The following PLXNB2 variants were observed in gnomAD, a reference collection of about 807,000 sequenced individuals.
PLXNB2 encodes plexin B2.
In PLXNB2, 85 loss-of-function variants were observed where a neutral mutation model predicts 202.6. That is an observed-to-expected ratio of 0.42 (90% CI 0.35 to 0.50). PLXNB2 has a LOEUF of 0.50. PLXNB2 is among the 20% of genes least tolerant of loss of function. The pLI, the probability that PLXNB2 is intolerant of heterozygous loss-of-function variation, is 0.02. For synonymous variants in PLXNB2, 1,239 were observed against 1,137.6 expected, an observed-to-expected ratio of 1.09 and a Z score of -1.79; for missense variants, 2,063 against 2,586.2, an observed-to-expected ratio of 0.80 and a Z score of 4.39.
Position 50,290,313 on chromosome 22 carries a change from T to C in PLXNB2, c.272A>G (p.Glu91Gly). 1 of 1,612,212 alleles carries C rather than the reference T, an allele frequency of 6.2e-7. No individual in the cohort carries two copies. The highest frequency in any genetic ancestry group is 1.3e-5 in the African/African-American group (1 of 75,056). ...PIEASQCHEA[E>G]MTDNVNQLLL... ...CAGCTGGTTGACATTGTCAGTCATC[T>C]CAGCCTCATGGCACTGGCTGGCCTC... Residue 91 changes from glutamate (E) to glycine (G), a missense_variant, in exon 3 of 37, where the codon GAG becomes GGG. Glu to Gly is a moderately conservative substitution (Grantham distance 98). Transcript: ENST00000359337.
intron 11 of PLXNB2, among the ~76,000 whole-genome samples, chr22:50,285,108 C>T (rs2066326015): frequency 6.6e-6 from 1 of 152,210 alleles, no homozygotes; most frequent in South Asian, 2.1e-4. Context: ...GTGGGGGCCC[C>T]GAGTCGGGGG....
Position 50,276,623 on chromosome 22 carries a change from C to T in PLXNB2, c.5337+6G>A. ...GCTGTGGGTGCGTCCCTGGTGGTCT[C>T]CTTACCCGGGAAATCTCTGCCAGGT... On this transcript the variant is annotated splice_donor_region_variant and intron_variant, in intron 35 of 36. Coordinates refer to ENST00000359337, the MANE Select transcript of PLXNB2 (RefSeq NM_012401.4). The T allele has an allele frequency of 6.2e-7, 1 of 1,611,040 alleles. No individual in the cohort carries two copies. The highest frequency in any genetic ancestry group is 8.5e-7 in the Non-Finnish European group (1 of 1,177,364).
Position 50,276,631 on chromosome 22 carries a change from G to A in PLXNB2, c.5335C>T (p.Arg1779Trp), listed in dbSNP as rs372200489. The A allele has an allele frequency of 8.1e-6, 13 of 1,612,958 alleles. No homozygotes were observed. The highest frequency in any genetic ancestry group is 1.7e-5 in the Admixed American group (1 of 59,998). The change falls in exon 35 of 37, where the codon CGG (arginine) becomes TGG (tryptophan). Residue 1779 changes from arginine (R) to tryptophan (W), a missense_variant and splice_region_variant. Physicochemically the swap from Arg to Trp is moderately radical, Grantham distance 101. Around this residue, in one of 2 missense-constraint regions of PLXNB2, gnomAD observed 760 missense variants for 1,109.4 expected, o/e 0.69. Transcript: ENST00000359337. The stretch of plus-strand genomic sequence containing the variant: ...TGCGTCCCTGGTGGTCTCCTTACCC[G>A]GGAAATCTCTGCCAGGTGTGTGTTC... ...DMNTHLAEIS[R>W]AHTDSLNTLV...
Position 50,290,529 on chromosome 22 carries a change from C to A in PLXNB2, c.56G>T (p.Ser19Ile), listed in dbSNP as rs2147537152. ...TLLGLLGAGA[S>I]LRPRKLDFFR... ...GAAGTCCAGCTTGCGGGGCCTCAGG[C>A]TGGCACCTGCGCCCAGCAGGCCCAG... Residue 19 changes from serine to isoleucine, a missense_variant, in exon 3 of 37, where the codon AGC becomes ATC. Physicochemically the swap from Ser to Ile is moderately radical, Grantham distance 142. This residue lies in a region of PLXNB2 where 1,303 missense variants were observed against 1,476.8 expected (regional missense o/e 0.88). Transcript: ENST00000359337. 2 of 1,612,258 alleles carry A rather than the reference C, an allele frequency of 1.2e-6. No homozygotes were observed. The highest frequency in any genetic ancestry group is 2.2e-5 in the East Asian group (1 of 44,870).
intron 1 of PLXNB2, among the ~76,000 whole-genome samples, chr22:50,304,508 G>A (rs982502784): frequency 1.3e-5 from 2 of 152,110 alleles, no homozygotes; most frequent in East Asian, 1.9e-4. Context: ...AGAAAGGCAG[G>A]GGTCCTTACA....
In PLXNB2 at chr22:50,284,090, A is replaced by ACC; in HGVS notation, c.2263+40_2263+41dup. ...TCCCCCCACCCACCGCCTTGTGCCCACCCGTCCCCTGCCCGCCCCCCACTG... is the reference window on the plus strand; with the variant it reads ...TCCCCCCACCCACCGCCTTGTGCCCACCCCCGTCCCCTGCCCGCCCCCCACTG... On this transcript the variant is annotated intron_variant, in intron 13 of 36. Transcript: ENST00000359337. The surrounding 1 kb of genome is among the most constrained non-coding windows in gnomAD (Gnocchi z 8.0). The ACC allele has an allele frequency of 2.2e-6, 1 of 449,204 alleles. No individual in the cohort carries two copies. 27.8% of individuals were successfully genotyped at this position (449,204 alleles called of 1,614,324 possible).
intron 22 of PLXNB2, 61 bp from the exon 23 acceptor site, chr22:50,281,250 A>T (rs566161066): frequency 3.1e-5 from 49 of 1,570,110 alleles, no homozygotes; most frequent in Non-Finnish European, 3.9e-5. Context: ...TGCCCGGATG[A>T]GGAGGTGGAT....
chr22:50,283,080 C>T lies in PLXNB2; in HGVS notation c.2786G>A (p.Arg929Gln), dbSNP rs923565565. 12 of 1,609,534 alleles carry T rather than the reference C, an allele frequency of 7.5e-6. No homozygotes were observed. The highest frequency in any genetic ancestry group is 1.7e-4 in the Middle Eastern group (1 of 6,032). The change falls in exon 17 of 37, where the codon CGG (arginine) becomes CAG (glutamine). Residue 929 changes from arginine (R) to glutamine (Q), a missense_variant. This residue lies in a region of PLXNB2 where 1,303 missense variants were observed against 1,476.8 expected (regional missense o/e 0.88). Coordinates refer to ENST00000359337, the MANE Select transcript of PLXNB2 (RefSeq NM_012401.4). ...ACACGGGACGCCGTTGAGGGTCACC[C>T]GCACGTCCTCCTGGGAGCCCGTGTC... The part of the protein sequence containing the change: ...HLDTGSQEDV[R>Q]VTLNGVPCKV...
intron 25 of PLXNB2, 113 bp from the exon 26 acceptor site, chr22:50,280,184 G>T: frequency 1.2e-6 from 1 of 837,864 alleles, no homozygotes; most frequent in Non-Finnish European, 1.8e-6. Flanking sequence ...GTCCAGCCTG[G>T]GTGTGGCCTG....
chr22:50,294,579 A>T (rs1422365679), intron 2 of PLXNB2, 140 bp downstream of exon 2: 1 of 189,938 alleles, frequency 5.3e-6, no homozygotes. Context: ...AGGCCATGGG[A>T]AGGGTGGCAG....
rs1301523453 is a variant in PLXNB2 at position 50,282,176 on chromosome 22, G to C, written c.3117+8C>G. On this transcript the variant is annotated splice_region_variant and intron_variant, in intron 19 of 36. Transcript: ENST00000359337. Reference sequence around the variant, plus strand: ...CGGTGCCAGAGCTGAGCCCACGCCAGGACTGACCGTCATGGGCTGCAGGGA... The same window carrying C: ...CGGTGCCAGAGCTGAGCCCACGCCACGACTGACCGTCATGGGCTGCAGGGA... 1.2e-6 allele frequency: 2 copies of C among 1,608,792 alleles called. No homozygotes were observed. The highest frequency in any genetic ancestry group is 4.5e-5 in the East Asian group (2 of 44,838).
chr22:50,279,587 C>G, intron 27 of PLXNB2, 43 bp downstream of exon 27: 1 of 1,601,414 alleles, frequency 6.2e-7, no homozygotes, highest in Non-Finnish European at 8.5e-7. Context: ...CTCCTTAGCC[C>G]AGATCCGAGG....
At position 50,276,717 on chromosome 22, in the gene PLXNB2, G is replaced by T. The variant is rs531599291; in HGVS notation, c.5262-13C>A. The T allele has an allele frequency of 2.0e-5, 32 of 1,612,466 alleles. No individual in the cohort carries two copies. The highest frequency in any genetic ancestry group is 2.0e-4 in the South Asian group (18 of 91,054). ...CCCCTTGTAGTAACTGCAGGGGTGG[G>T]AGCATCATACAGTGTGGGCGGCAGG... On this transcript the variant is annotated splice_polypyrimidine_tract_variant and intron_variant, in intron 34 of 36. Coordinates refer to ENST00000359337, the MANE Select transcript of PLXNB2 (RefSeq NM_012401.4).
At chr22:50,296,943 G>T (rs1360922964) in intron 1 of PLXNB2, among the ~76,000 whole-genome samples, 1 of 152,230 alleles carries the variant, frequency 6.6e-6, no homozygotes, top group Non-Finnish European at 1.5e-5. Flanking sequence ...CTGCTGCACA[G>T]GTAAGGGTTA....
rs539655064 is a variant in PLXNB2 at position 50,297,163 on chromosome 22, T to C, written c.-73-2385A>G. Among the ~76,000 whole-genome samples the C allele has an allele frequency of 5.3e-5, 8 of 152,230 alleles. No homozygotes were observed. The highest frequency in any genetic ancestry group is 3.9e-4 in the Admixed American group (6 of 15,296). On this transcript the variant is annotated intron_variant, in intron 1 of 36. Coordinates refer to ENST00000359337, the MANE Select transcript of PLXNB2 (RefSeq NM_012401.4). The surrounding 1 kb of genome is among the most constrained non-coding windows in gnomAD (Gnocchi z 5.3). Reference sequence around the variant, plus strand: ...CAGCTCCCGACGGAGGTGGCAGCCATGGCGGTGGCACGGTACCCCCAGACC... The same window carrying C: ...CAGCTCCCGACGGAGGTGGCAGCCACGGCGGTGGCACGGTACCCCCAGACC...
intron 8 of PLXNB2, 53 bp downstream of exon 8, chr22:50,287,058 A>G (rs1012751421): frequency 2.1e-6 from 3 of 1,441,854 alleles, no homozygotes; most frequent in Middle Eastern, 2.2e-4. Context: ...CCGTGTGCAC[A>G]GGGCCCCGTG....
chr22:50,286,322 G>C, intron 8 of PLXNB2, 35 bp from the exon 9 acceptor site: 1 of 1,500,352 alleles, frequency 6.7e-7, no homozygotes, highest in Non-Finnish European at 9.3e-7. Flanking sequence ...TCAAGGTGGC[G>C]GCCGCAGGGC....
At chr22:50,292,907 G>A (rs891503524) in intron 2 of PLXNB2, among the ~76,000 whole-genome samples, 4 of 152,294 alleles carry the variant, frequency 2.6e-5, no homozygotes, top group East Asian at 1.9e-4. Flanking sequence ...GCTCCTGCCC[G>A]GCACAGAACT....
At position 50,287,194 on chromosome 22, in the gene PLXNB2, G is replaced by A. The variant is rs2066519818; in HGVS notation, c.1679C>T (p.Ser560Leu). 1.3e-6 allele frequency: 2 copies of A among 1,548,728 alleles called. No individual in the cohort carries two copies. Among genetic ancestry groups the A allele is most frequent in the Non-Finnish European group, 1.7e-6 (2 of 1,146,166 alleles). Residue 560 changes from serine (S) to leucine (L), a missense_variant, in exon 8 of 37, where the codon TCG (serine) becomes TTG (leucine). Transcript: ENST00000359337. ...CTCCACGCGGGCGGGGTGTGGCGGC[G>A]ACTCCCCAAAAAGGCACAGCAACTC... ...EDELLCLFGE[S>L]PPHPARVEGE...
Sources: gnomAD v4.1 joint callset for allele counts (sites outside exome capture counted in the v4.1 genomes callset) on GRCh38, gnomAD v4.1.1 for gene constraint, gnomAD v4.1.1 regional missense constraint, Gnocchi (gnomAD v3.1) non-coding constraint, MANE v1.5 for transcripts, NCBI Gene and HGNC (gene_info 2026-07-23, HGNC 2026-07-21) for gene names.